Variants in FANCA observed in about 807,000 individuals in gnomAD.
The protein encoded by FANCA is Fanconi anemia group A protein.
FANCA carries 236 observed loss-of-function variants against 194.3 expected under a neutral mutation model. The observed-to-expected ratio is 1.21, with a 90% CI of 1.09 to 1.35. The LOEUF (loss-of-function observed/expected upper bound fraction) is 1.35. Among genes scored for constraint, FANCA ranks in the 40% most tolerant of loss-of-function variants. The probability of loss-of-function intolerance (pLI) is 0.00; values close to 1 mark genes in which losing one functional copy is unlikely to be tolerated. For synonymous variants in FANCA, 1,014 were observed against 715.8 expected (o/e 1.42, Z -6.65); for missense variants, 2,628 against 1,813.9 (o/e 1.45, Z -8.15).
At chr16:89,789,802 G>T (rs1220195382) in intron 14 of FANCA, among the ~76,000 whole-genome samples, 2 of 152,122 alleles carry the variant, frequency 1.3e-5, no homozygotes, top group Non-Finnish European at 1.5e-5. Context: ...AGCACTAAAA[G>T]AGAAACCATG....
At chr16:89,768,587 C>A (rs911662268) in intron 26 of FANCA, among the ~76,000 whole-genome samples, 1 of 151,838 alleles carries the variant, frequency 6.6e-6, no homozygotes, top group Non-Finnish European at 1.5e-5. Context: ...ACCCGGGAGG[C>A]GGAGGTTACA....
intron 11 of FANCA, chr16:89,792,839 G>A: frequency 2.6e-6 from 1 of 387,690 alleles, no homozygotes; most frequent in Non-Finnish European, 5.0e-6. Flanking sequence ...TCCAATGATA[G>A]GTAAGGTCAC....
At chr16:89,811,150 G>T in intron 3 of FANCA, 79 bp from the exon 4 acceptor site, 1 of 1,582,104 alleles carries the variant, frequency 6.3e-7, no homozygotes, top group Non-Finnish European at 8.7e-7. Flanking sequence ...TGTTTAAAAT[G>T]CCTTATTTTA....
chr16:89,797,275 A>G (rs2040280597), intron 10 of FANCA, among the ~76,000 whole-genome samples: 1 of 151,936 alleles, frequency 6.6e-6, no homozygotes, highest in Non-Finnish European at 1.5e-5. Flanking sequence ...AGGTTGTAGT[A>G]AACCGAGATC....
chr16:89,801,874 A>G (rs1346071159), intron 8 of FANCA, among the ~76,000 whole-genome samples: 1 of 152,026 alleles, frequency 6.6e-6, no homozygotes. Flanking sequence ...AGCAACAGAG[A>G]GAGACACCGT....
chr16:89,742,970 C>A, intron 36 of FANCA, 32 bp from the exon 37 acceptor site: 1 of 1,604,934 alleles, frequency 6.2e-7, no homozygotes, highest in Non-Finnish European at 8.5e-7. Context: ...CATTGCAGGG[C>A]CTTACAACCA....
chr16:89,760,603 C>G (rs2376881), intron 29 of FANCA, among the ~76,000 whole-genome samples: 108,146 of 151,790 alleles, frequency 0.71, 40,354 homozygotes, highest in East Asian at 0.99. Context: ...TTAAACCCAA[C>G]GGTCCTCTGG....
At chr16:89,770,126 G>C in intron 25 of FANCA, 40 bp downstream of exon 25, 1 of 1,572,300 alleles carries the variant, frequency 6.4e-7, no homozygotes, top group Non-Finnish European at 8.6e-7. Context: ...GGCCCTCAGA[G>C]TGGGCCCCCA....
At chr16:89,799,055 T>C in intron 10 of FANCA, 111 bp downstream of exon 10, 1 of 1,614,240 alleles carries the variant, frequency 6.2e-7, no homozygotes, top group Non-Finnish European at 8.5e-7. Flanking sequence ...AGAGGAAGTG[T>C]GCTCAGGAGC....
chr16:89,814,432 T>C, intron 3 of FANCA, 88 bp downstream of exon 3: 2 of 1,054,100 alleles, frequency 1.9e-6, no homozygotes, highest in Non-Finnish European at 2.9e-6. Flanking sequence ...CTGAGAAAAT[T>C]TACATTTCTA....
intron 30 of FANCA, 151 bp downstream of exon 30, chr16:89,758,426 C>T: frequency 1.2e-6 from 1 of 856,378 alleles, no homozygotes; most frequent in South Asian, 1.4e-5. Flanking sequence ...AGGGTGTTGC[C>T]AAAGGAGACT....
chr16:89,787,889 T>C (rs1431694816), intron 14 of FANCA, among the ~76,000 whole-genome samples: 2 of 152,060 alleles, frequency 1.3e-5, no homozygotes, highest in Non-Finnish European at 2.9e-5. Context: ...AAATTTTTTT[T>C]TTGAGACGGG....
intron 8 of FANCA, among the ~76,000 whole-genome samples, chr16:89,802,440 C>T (rs1463199780): frequency 6.6e-6 from 1 of 151,764 alleles, no homozygotes; most frequent in African/African-American, 2.4e-5. Flanking sequence ...GAGTCTCTGT[C>T]GCCTAGGCTG....
At chr16:89,792,811 T>TA (rs899713300) in intron 11 of FANCA, 1 of 415,338 alleles carries the variant, frequency 2.4e-6, no homozygotes, top group East Asian at 5.2e-5. Context: ...AGGGGCAGGG[T>TA]AAAGAGTGTG....
At chr16:89,768,635 G>A (rs931014395) in intron 26 of FANCA, among the ~76,000 whole-genome samples, 1 of 151,816 alleles carries the variant, frequency 6.6e-6, no homozygotes, top group African/African-American at 2.4e-5. Flanking sequence ...CAGCCTGGAC[G>A]ATAGAGTGAG....
intron 7 of FANCA, among the ~76,000 whole-genome samples, chr16:89,804,460 C>G (rs975136846): frequency 6.6e-6 from 1 of 152,134 alleles, no homozygotes; most frequent in African/African-American, 2.4e-5. Context: ...TCCAGGAGTG[C>G]GCTGAATATA....
In FANCA at chr16:89,738,342, G is replaced by C; in HGVS notation, c.*259C>G. On this transcript the variant is annotated 3_prime_UTR_variant, in exon 43 of 43. Transcript: ENST00000389301. ...GTGCACCCGCATGGGAGGGTCGGAGGGTGCTGCCCGCCCTTGGTGCTGGAG... is the reference window on the plus strand; with the variant it reads ...GTGCACCCGCATGGGAGGGTCGGAGCGTGCTGCCCGCCCTTGGTGCTGGAG... 2.0e-6 allele frequency: 3 copies of C among 1,489,460 alleles called. No individual in the cohort carries two copies. The highest frequency in any genetic ancestry group is 2.7e-6 in the Non-Finnish European group (3 of 1,118,848). 92.3% of individuals were successfully genotyped at this position (1,489,460 alleles called of 1,614,324 possible).
Position 89,740,077 on chromosome 16 carries a change from G to A in FANCA, c.3851C>T (p.Ala1284Val), listed in dbSNP as rs1199857080. 1 of 1,614,200 alleles carries A rather than the reference G, an allele frequency of 6.2e-7. No homozygotes were observed. The highest frequency in any genetic ancestry group is 2.2e-5 in the East Asian group (1 of 44,888). ...TSNSTTDLPKAFHVCAAILEC... is the reference protein window; with the variant it reads ...TSNSTTDLPKVFHVCAAILEC... ...GAGGATTGCTGCACAAACGTGGAAA[G>A]CCTTTGGCAGGTCTGTGGTGCTCTG... The change falls in exon 39 of 43, where the codon GCT (alanine) becomes GTT (valine). Residue 1284 changes from alanine (A) to valine (V), a missense_variant. By Grantham distance (64) the Ala-to-Val change is moderately conservative. Coordinates refer to ENST00000389301, the MANE Select transcript of FANCA (RefSeq NM_000135.4).
chr16:89,787,053 G>A (rs756091369), intron 14 of FANCA, among the ~76,000 whole-genome samples: 6 of 152,328 alleles, frequency 3.9e-5, no homozygotes, highest in South Asian at 2.1e-4. Flanking sequence ...TAAGTGACAC[G>A]CGCAAGCCAG....
Sources: gnomAD v4.1 joint callset for allele counts (sites outside exome capture counted in the v4.1 genomes callset) on GRCh38, gnomAD v4.1.1 for gene constraint, MANE v1.5 for transcripts, NCBI Gene and HGNC (gene_info 2026-07-23, HGNC 2026-07-21) for gene names.